ZFPM2: variants seen among roughly 807,000 people sequenced by gnomAD.
The protein encoded by ZFPM2 is zinc finger protein, FOG family member 2.
In ZFPM2, 20 loss-of-function variants were observed where a neutral mutation model predicts 98.6. The observed-to-expected ratio is 0.20, with a 90% CI of 0.14 to 0.29. ZFPM2 has a LOEUF of 0.29. ZFPM2 is among the 10% of genes least tolerant of loss of function. The pLI is 1.00. For missense variants in ZFPM2, 1,310 were observed against 1,388.6 expected (o/e 0.94, Z 0.90); for synonymous variants, 518 against 502.7 (o/e 1.03, Z -0.41).
rs1336216470 is a variant in ZFPM2, at chr8:105,802,630, C to T, written c.2548C>T (p.Leu850=). ...SERTTTSPKR[L]LDYHECTVCK... ...GCGGACGACCACGTCTCCCAAAAGG[C>T]TGCTGGACTATCACGAGTGCACTGT... The change falls in exon 8 of 8, where the codon CTG becomes TTG. Residue 850 remains leucine, a synonymous_variant. Transcript: ENST00000407775. The T allele has an allele frequency of 6.2e-7, 1 of 1,610,974 alleles. No individual in the cohort carries two copies. Among genetic ancestry groups the T allele is most frequent in the Middle Eastern group, 1.7e-4 (1 of 6,058 alleles).
At chr8:105,463,670 T>C (rs1222155409) in intron 3 of ZFPM2, among the ~76,000 whole-genome samples, 1 of 152,074 alleles carries the variant, frequency 6.6e-6, no homozygotes, top group African/African-American at 2.4e-5. Context: ...GTGAAAAGTG[T>C]CTTATTCATC....
intron 3 of ZFPM2, among the ~76,000 whole-genome samples, chr8:105,527,960 G>A (rs147439536): frequency 9.9e-5 from 15 of 152,264 alleles, no homozygotes; most frequent in African/African-American, 2.4e-4. Flanking sequence ...TTCAGTACTT[G>A]TGGTATGCCA....
rs373288523 is a variant in ZFPM2, at chr8:105,631,862, A to G, written c.421-2384A>G. On this transcript the variant is annotated intron_variant, in intron 4 of 7. Transcript: ENST00000407775. ...TCACTATCTATTTTTTATATTATCT[A>G]TGAAATTATTATAAAAGTTAATTTA... Among the ~76,000 whole-genome samples the G allele has an allele frequency of 5.9e-5, 9 of 152,332 alleles. No individual in the cohort carries two copies. In the East Asian group the frequency reaches 1.5e-3, roughly 26 times the overall value.
chr8:105,407,882 T>C (rs1399391390), intron 1 of ZFPM2, among the ~76,000 whole-genome samples: 1 of 151,946 alleles, frequency 6.6e-6, no homozygotes, highest in Non-Finnish European at 1.5e-5. Context: ...TATGATGCCA[T>C]ATAGACACTT....
intron 5 of ZFPM2, among the ~76,000 whole-genome samples, chr8:105,695,065 C>T (rs570282552): frequency 3.9e-5 from 6 of 152,048 alleles, no homozygotes; most frequent in Non-Finnish European, 7.4e-5. Flanking sequence ...AATTTGAATC[C>T]GGATCTATCT....
intron 1 of ZFPM2, among the ~76,000 whole-genome samples, chr8:105,322,945 A>G (rs565075546): frequency 5.3e-5 from 8 of 152,140 alleles, no homozygotes; most frequent in South Asian, 2.1e-4. Context: ...TGCTATTTTT[A>G]TAAAGGGTAG....
At chr8:105,583,341 C>T (rs1158688534) in intron 4 of ZFPM2, among the ~76,000 whole-genome samples, 1 of 150,990 alleles carries the variant, frequency 6.6e-6, no homozygotes, top group East Asian at 1.9e-4. Context: ...TATATTTTTC[C>T]TAGTATCTGG....
At chr8:105,405,325 A>T (rs954862366) in intron 1 of ZFPM2, among the ~76,000 whole-genome samples, 5 of 151,988 alleles carry the variant, frequency 3.3e-5, no homozygotes, top group African/African-American at 1.2e-4. Context: ...ACATGTGCAC[A>T]ACGTGCAGGT....
intron 5 of ZFPM2, among the ~76,000 whole-genome samples, chr8:105,712,639 G>GA (rs1811430361): frequency 6.6e-6 from 1 of 151,906 alleles, no homozygotes; most frequent in Middle Eastern, 3.2e-3. Flanking sequence ...GCTGAGGTTT[G>GA]GGCTTCTACT....
At chr8:105,718,419 G>A (rs745712929) in intron 5 of ZFPM2, among the ~76,000 whole-genome samples, 6 of 151,914 alleles carry the variant, frequency 3.9e-5, no homozygotes, top group Admixed American at 6.6e-5. Flanking sequence ...TTTTCAAACT[G>A]TAGCAGGATA....
chr8:105,426,612 GC>G (rs1811916986), intron 2 of ZFPM2, among the ~76,000 whole-genome samples: 1 of 152,014 alleles, frequency 6.6e-6, no homozygotes, highest in Non-Finnish European at 1.5e-5. Context: ...ATATAGCCAT[GC>G]AAAATGAGAA....
chr8:105,737,327 C>T (rs991569206), intron 5 of ZFPM2: 18 of 153,124 alleles, frequency 1.2e-4, no homozygotes, highest in South Asian at 2.0e-4. Context: ...TCTGTGATAG[C>T]GTGAGGGTGG....
intron 3 of ZFPM2, among the ~76,000 whole-genome samples, chr8:105,457,105 T>C (rs1812608535): frequency 6.6e-6 from 1 of 152,258 alleles, no homozygotes; most frequent in Non-Finnish European, 1.5e-5. Flanking sequence ...ACATTTGTAC[T>C]ATGCATTTGA....
intron 1 of ZFPM2, among the ~76,000 whole-genome samples, chr8:105,338,915 T>C (rs1812373063): frequency 6.6e-6 from 1 of 151,924 alleles, no homozygotes; most frequent in Non-Finnish European, 1.5e-5. Flanking sequence ...TTCCCCTGGG[T>C]GCTTCCTTAA....
At chr8:105,339,178 T>C (rs555954684) in intron 1 of ZFPM2, among the ~76,000 whole-genome samples, 11 of 152,006 alleles carry the variant, frequency 7.2e-5, no homozygotes, top group East Asian at 1.9e-4. Context: ...TCTACACTTA[T>C]GACATTTCAG....
At chr8:105,724,769 G>C (rs545991887) in intron 5 of ZFPM2, among the ~76,000 whole-genome samples, 1 of 151,770 alleles carries the variant, frequency 6.6e-6, no homozygotes, top group Admixed American at 6.6e-5. Context: ...TTTTGTAGTA[G>C]ATTTATATAT....
chr8:105,382,019 A>G (rs1482289575), intron 1 of ZFPM2, among the ~76,000 whole-genome samples: 1 of 152,150 alleles, frequency 6.6e-6, no homozygotes, highest in Non-Finnish European at 1.5e-5. Flanking sequence ...AGACTTGCTA[A>G]AAACAATATA....
At chr8:105,700,370 C>T (rs1811113788) in intron 5 of ZFPM2, among the ~76,000 whole-genome samples, 1 of 152,122 alleles carries the variant, frequency 6.6e-6, no homozygotes, top group Admixed American at 6.5e-5. Flanking sequence ...TTTAGAAATA[C>T]GTATGTACAA....
At chr8:105,481,900 T>C (rs950232181) in intron 3 of ZFPM2, among the ~76,000 whole-genome samples, 6 of 152,296 alleles carry the variant, frequency 3.9e-5, no homozygotes, top group African/African-American at 1.4e-4. Context: ...CAGCAACTTA[T>C]TGCCACAAAT....
Sources: gnomAD v4.1 joint callset for allele counts (sites outside exome capture counted in the v4.1 genomes callset) on GRCh38, gnomAD v4.1.1 for gene constraint, MANE v1.5 for transcripts, NCBI Gene and HGNC (gene_info 2026-07-23, HGNC 2026-07-21) for gene names.